Variants in MMP16 observed in about 807,000 individuals in gnomAD.
MMP16 encodes matrix metalloproteinase-16.
MMP16 carries 12 observed loss-of-function variants against 67.8 expected under a neutral mutation model. The observed-to-expected ratio is 0.18, with a 90% CI of 0.11 to 0.29. MMP16 has a LOEUF of 0.29. Among genes scored for constraint, MMP16 ranks in the 10% least tolerant of loss-of-function variants. The probability of loss-of-function intolerance (pLI) is 1.00; values close to 1 mark genes in which losing one functional copy is unlikely to be tolerated. For synonymous variants in MMP16, 249 were observed against 255.9 expected, an observed-to-expected ratio of 0.97 and a Z score of 0.26; for missense variants, 475 against 765.7, an observed-to-expected ratio of 0.62 and a Z score of 4.48.
At position 88,252,602 on chromosome 8, in the gene MMP16, T is replaced by C. The variant is rs1299087114; in HGVS notation, c.133-55296A>G. Among the ~76,000 whole-genome samples, 7 of 151,514 alleles carry C rather than the reference T, an allele frequency of 4.6e-5. No individual in the cohort carries two copies. The East Asian group carries it at 1.4e-3, about 29-fold the overall frequency. ...AGATATAAATGAAGTTGAATAGTAT[T>C]TTTAATATGAAAATTTCAGAAACAG... On this transcript the variant is annotated intron_variant, in intron 1 of 9. Transcript: ENST00000286614.
chr8:88,075,015 T>C (rs1346114274), intron 6 of MMP16, among the ~76,000 whole-genome samples: 2 of 152,098 alleles, frequency 1.3e-5, no homozygotes, highest in South Asian at 2.1e-4. Context: ...GCTTTCTAGA[T>C]GGAGGTAGCA....
chr8:88,073,306 A>G (rs1348971419), intron 7 of MMP16, among the ~76,000 whole-genome samples: 1 of 152,192 alleles, frequency 6.6e-6, no homozygotes, highest in Non-Finnish European at 1.5e-5. Context: ...AGGGCAAGAA[A>G]ATTAATAGCA....
At chr8:88,274,161 G>A (rs565189634) in intron 1 of MMP16, among the ~76,000 whole-genome samples, 10 of 152,148 alleles carry the variant, frequency 6.6e-5, no homozygotes, top group African/African-American at 2.4e-4. Flanking sequence ...TTTAAAGTGA[G>A]ACCAATCACT....
chr8:88,250,040 A>C (rs1810182307), intron 1 of MMP16, among the ~76,000 whole-genome samples: 1 of 152,270 alleles, frequency 6.6e-6, no homozygotes, highest in Admixed American at 6.5e-5. Flanking sequence ...TAGCTGTCAT[A>C]TCTTCCTTTA....
intron 6 of MMP16, among the ~76,000 whole-genome samples, chr8:88,081,922 A>G (rs867791370): frequency 3.9e-5 from 6 of 152,136 alleles, no homozygotes; most frequent in Admixed American, 1.3e-4. Flanking sequence ...AAACAACCAT[A>G]TTATATAAAA....
intron 2 of MMP16, 106 bp downstream of exon 2, chr8:88,197,052 A>C (rs1809267446): frequency 1.9e-6 from 2 of 1,059,998 alleles, no homozygotes; most frequent in Non-Finnish European, 2.7e-6. Context: ...AAAGTTCATG[A>C]GACAAATTAC....
chr8:88,244,103 T>C (rs1018774448), intron 1 of MMP16, among the ~76,000 whole-genome samples: 2 of 152,156 alleles, frequency 1.3e-5, no homozygotes, highest in African/African-American at 4.8e-5. Flanking sequence ...GTTTCCTTTG[T>C]TCAGGGCAAC....
chr8:88,161,545 A>T (rs901823684), intron 4 of MMP16, among the ~76,000 whole-genome samples: 5 of 151,362 alleles, frequency 3.3e-5, no homozygotes, highest in African/African-American at 1.2e-4. Flanking sequence ...TTGTGTCTCT[A>T]TTTCCTTCAG....
At chr8:88,109,791 TATAAC>T (rs1191221300) in intron 6 of MMP16, among the ~76,000 whole-genome samples, 1 of 151,202 alleles carries the variant, frequency 6.6e-6, no homozygotes, top group Admixed American at 6.6e-5. Flanking sequence ...AAAGATAAAT[TATAAC>T]ATATATAAAA....
At position 88,058,228 on chromosome 8, in the gene MMP16, G is replaced by T. The variant is rs1246800772; in HGVS notation, c.1223-1950C>A. 1.3e-5 allele frequency among the ~76,000 whole-genome samples: 2 copies of T among 152,116 alleles called. No individual in the cohort carries two copies. The highest frequency in any genetic ancestry group is 2.9e-5 in the Non-Finnish European group (2 of 68,012). On this transcript the variant is annotated intron_variant, in intron 7 of 9. Coordinates refer to ENST00000286614, the MANE Select transcript of MMP16 (RefSeq NM_005941.5). The surrounding 1 kb of genome is among the most constrained non-coding windows in gnomAD (Gnocchi z 4.2). ...TTGGAATCTTACTTAGAGTGTACTG[G>T]AGGCCATCAAGGAGATTAAGTTTGT... is the stretch of plus-strand genomic sequence containing the variant.
chr8:88,113,163 C>T (rs987659173), intron 6 of MMP16, among the ~76,000 whole-genome samples: 1 of 151,732 alleles, frequency 6.6e-6, no homozygotes, highest in Non-Finnish European at 1.5e-5. Context: ...AAGTAAAAAT[C>T]TTGTTGAGGA....
Position 88,327,396 on chromosome 8 carries a change from A to T in MMP16, c.-190T>A. On this transcript the variant is annotated 5_prime_UTR_variant, in exon 1 of 10. Transcript: ENST00000286614. ...GGCAGCCCCCGAGAGGCAGCGGCGAAGACAGGGTCAGCAGTAGTTCCTGTT... is the reference window on the plus strand; with the variant it reads ...GGCAGCCCCCGAGAGGCAGCGGCGATGACAGGGTCAGCAGTAGTTCCTGTT... 1 of 593,570 alleles carries T rather than the reference A, an allele frequency of 1.7e-6. No individual in the cohort carries two copies. The highest frequency in any genetic ancestry group is 2.9e-6 in the Non-Finnish European group (1 of 340,154). 36.8% of individuals were successfully genotyped at this position (593,570 alleles called of 1,614,324 possible). A position where few individuals can be genotyped will look rare whatever the true frequency, so the allele number is the denominator to read the frequency against.
At chr8:88,258,429 A>G (rs897452798) in intron 1 of MMP16, among the ~76,000 whole-genome samples, 1 of 152,164 alleles carries the variant, frequency 6.6e-6, no homozygotes, top group African/African-American at 2.4e-5. Context: ...TGCCTGTCTA[A>G]TGCCATATCA....
At chr8:88,089,570 A>G (rs1294875574) in intron 6 of MMP16, among the ~76,000 whole-genome samples, 1 of 151,956 alleles carries the variant, frequency 6.6e-6, no homozygotes, top group East Asian at 1.9e-4. Flanking sequence ...TAGAATGTAT[A>G]TAAGAAAACA....
intron 3 of MMP16, among the ~76,000 whole-genome samples, chr8:88,179,129 TA>T (rs747393677): frequency 2.6e-5 from 4 of 151,092 alleles, no homozygotes; most frequent in Non-Finnish European, 5.9e-5. Context: ...AGTATAAATA[TA>T]AAAAAAACTA....
intron 4 of MMP16, among the ~76,000 whole-genome samples, chr8:88,143,598 C>T (rs1258764550): frequency 6.6e-6 from 1 of 151,844 alleles, no homozygotes; most frequent in African/African-American, 2.4e-5. Flanking sequence ...ATCTTGCATG[C>T]CACAAACTTG....
At chr8:88,243,867 A>T (rs1010973551) in intron 1 of MMP16, among the ~76,000 whole-genome samples, 4 of 152,216 alleles carry the variant, frequency 2.6e-5, no homozygotes, top group Non-Finnish European at 5.9e-5. Flanking sequence ...CGAAGATATT[A>T]CAAAGTTCTG....
chr8:88,149,233 G>C (rs1209937462), intron 4 of MMP16, among the ~76,000 whole-genome samples: 1 of 152,216 alleles, frequency 6.6e-6, no homozygotes, highest in Non-Finnish European at 1.5e-5. Context: ...CTCGCTGATT[G>C]CTAGCACAGC....
At chr8:88,200,983 T>C (rs1424233175) in intron 1 of MMP16, among the ~76,000 whole-genome samples, 1 of 151,954 alleles carries the variant, frequency 6.6e-6, no homozygotes, top group Non-Finnish European at 1.5e-5. Context: ...CTAGTAAGTT[T>C]ATCAATGTCT....
Sources: gnomAD v4.1 joint callset for allele counts (sites outside exome capture counted in the v4.1 genomes callset) on GRCh38, gnomAD v4.1.1 for gene constraint, Gnocchi (gnomAD v3.1) non-coding constraint, MANE v1.5 for transcripts, NCBI Gene and HGNC (gene_info 2026-07-23, HGNC 2026-07-21) for gene names.